The following DHRS4L2 variants were observed in gnomAD, a reference collection of about 807,000 sequenced individuals.
The protein encoded by DHRS4L2 is dehydrogenase/reductase SDR family member 4-like 2.
A neutral mutation model predicts 23.9 loss-of-function variants in DHRS4L2; 22 were observed. The observed-to-expected ratio is 0.92, with a 90% CI of 0.66 to 1.31. DHRS4L2 has a LOEUF of 1.31. DHRS4L2 is among the 40% of genes most tolerant of loss of function. The pLI, the probability that DHRS4L2 is intolerant of heterozygous loss-of-function variation, is 0.00. For synonymous variants in DHRS4L2, 141 were observed against 123.7 expected (o/e 1.14, Z -0.93); for missense variants, 385 against 303.3 (o/e 1.27, Z -2.00).
chr14:24,004,300 A>G (rs1444131750), intron 6 of DHRS4L2, 37 bp from the exon 7 acceptor site: 7 of 1,547,946 alleles, frequency 4.5e-6, no homozygotes, highest in African/African-American at 3.1e-5. Context: ...AAAGGAAAAG[A>G]AAAAAAAACA....
At chr14:23,982,115 T>A (rs891936550) in intron 1 of DHRS4L2, among the ~76,000 whole-genome samples, 4 of 151,598 alleles carry the variant, frequency 2.6e-5, no homozygotes, top group Admixed American at 2.0e-4. Flanking sequence ...CCATCCCACG[T>A]GGCCATATTT....
chr14:23,987,192 G>A (rs8004540), upstream of DHRS4L2: 59,570 of 340,654 alleles, frequency 0.17, 6,711 homozygotes, highest in East Asian at 0.45. Flanking sequence ...GTGCAGTGGC[G>A]TGATCTTGGC....
Position 24,006,039 on chromosome 14 carries a change from G to C in DHRS4L2, c.*176G>C, listed in dbSNP as rs2034571961. On this transcript the variant is annotated 3_prime_UTR_variant, in exon 8 of 8. Transcript: ENST00000335125. ...GCCCACAGGCCAGAGTTGGGCTCTA[G>C]CTCCTGGTGCTGTTCCTGCATTCAC... 1 of 1,599,386 alleles carries C rather than the reference G, an allele frequency of 6.3e-7. No homozygotes were observed. Among genetic ancestry groups the C allele is most frequent in the Non-Finnish European group, 8.5e-7 (1 of 1,174,132 alleles).
chr14:23,972,921 A>G (rs1425872927), intron 1 of DHRS4L2, among the ~76,000 whole-genome samples: 1 of 151,966 alleles, frequency 6.6e-6, no homozygotes, highest in Non-Finnish European at 1.5e-5. Flanking sequence ...GTTTCTCTCC[A>G]CCCAAACATG....
chr14:23,985,992 G>T (rs1674355192), upstream of DHRS4L2, among the ~76,000 whole-genome samples: 1 of 151,404 alleles, frequency 6.6e-6, no homozygotes, highest in Non-Finnish European at 1.5e-5. Context: ...TGTTAGCCAG[G>T]CTTGTCTCAA....
At chr14:23,970,748 GC>G (rs1489354869) in intron 1 of DHRS4L2, among the ~76,000 whole-genome samples, 1 of 152,028 alleles carries the variant, frequency 6.6e-6, no homozygotes, top group Non-Finnish European at 1.5e-5. Flanking sequence ...ACAGGTGGGT[GC>G]CCCTGTGGAA....
chr14:24,004,778 G>A, intron 7 of DHRS4L2: 1 of 244,384 alleles, frequency 4.1e-6, no homozygotes, highest in South Asian at 3.3e-5. Flanking sequence ...CAATCCAAAT[G>A]AAAAGAATGA....
chr14:23,993,213 G>C (rs1330897846), intron 2 of DHRS4L2, among the ~76,000 whole-genome samples: 1 of 151,674 alleles, frequency 6.6e-6, no homozygotes, highest in Non-Finnish European at 1.5e-5. Flanking sequence ...AAGTCCATTG[G>C]TGAGACTTAC....
Position 24,001,507 on chromosome 14 carries a change from T to G in DHRS4L2, c.655T>G (p.Ser219Ala), listed in dbSNP as rs1224668343. ...CLHLDLSRLA[S>A]AGCSGWTRKK... ...GCACCTGGACTTATCAAGACTAGCTTCAGCAGGATGGTGAGGAAGGGGAGC... is the reference window on the plus strand; with the variant it reads ...GCACCTGGACTTATCAAGACTAGCTGCAGCAGGATGGTGAGGAAGGGGAGC... The change falls in exon 6 of 8, where the codon TCA becomes GCA. Residue 219 changes from serine to alanine, a missense_variant. Physicochemically the swap from Ser to Ala is moderately conservative, Grantham distance 99. Coordinates refer to ENST00000335125, the MANE Select transcript of DHRS4L2 (RefSeq NM_198083.4). The G allele has an allele frequency of 6.2e-7, 1 of 1,602,532 alleles. No individual in the cohort carries two copies. Among genetic ancestry groups the G allele is most frequent in the Non-Finnish European group, 8.5e-7 (1 of 1,177,712 alleles).
chr14:23,989,949 G>A (rs1185547265), intron 1 of DHRS4L2, among the ~76,000 whole-genome samples: 2 of 151,832 alleles, frequency 1.3e-5, no homozygotes, highest in African/African-American at 2.4e-5. Flanking sequence ...ACTGTAGAAA[G>A]TGATGTCAGT....
upstream of DHRS4L2, chr14:23,987,140 CT>C (rs1392294192): frequency 2.7e-5 from 8 of 291,012 alleles, no homozygotes; most frequent in East Asian, 1.3e-3. Flanking sequence ...TGTTTTTTTT[CT>C]TTTTGTTGAG....
At chr14:23,999,217 TATA>T (rs1303847356) in intron 3 of DHRS4L2, among the ~76,000 whole-genome samples, 1 of 150,072 alleles carries the variant, frequency 6.7e-6, no homozygotes, top group African/African-American at 2.4e-5. Flanking sequence ...CCGTAACAGA[TATA>T]ATAATAATGG....
chr14:23,998,431 T>C (rs1463823528), intron 3 of DHRS4L2, among the ~76,000 whole-genome samples: 3 of 150,904 alleles, frequency 2.0e-5, no homozygotes, highest in African/African-American at 7.3e-5. Flanking sequence ...ACATGGCATC[T>C]TCTTCCACTA....
At chr14:23,970,534 G>A (rs1298543071) in intron 1 of DHRS4L2, among the ~76,000 whole-genome samples, 1 of 152,056 alleles carries the variant, frequency 6.6e-6, no homozygotes, top group Non-Finnish European at 1.5e-5. Context: ...CCACCTCAGG[G>A]GCCAGGGCAT....
chr14:23,991,964 G>A (rs1421364140), intron 2 of DHRS4L2, among the ~76,000 whole-genome samples: 1 of 151,374 alleles, frequency 6.6e-6, no homozygotes, highest in African/African-American at 2.4e-5. Context: ...TTGAACTCCT[G>A]ACCTCAGGTG....
intron 1 of DHRS4L2, among the ~76,000 whole-genome samples, chr14:23,972,345 G>C (rs1420990337): frequency 1.3e-5 from 2 of 151,888 alleles, no homozygotes; most frequent in African/African-American, 2.4e-5. Context: ...TCTTAAGGCA[G>C]CATGTCTGGA....
At chr14:23,978,164 C>G (rs2034002325) in intron 1 of DHRS4L2, among the ~76,000 whole-genome samples, 1 of 151,378 alleles carries the variant, frequency 6.6e-6, no homozygotes, top group South Asian at 2.1e-4. Flanking sequence ...CAATTTAAAA[C>G]TTTGGCCCAG....
intron 1 of DHRS4L2, among the ~76,000 whole-genome samples, chr14:23,980,667 CAT>C (rs1274906287): frequency 6.7e-6 from 1 of 149,998 alleles, no homozygotes; most frequent in Admixed American, 6.6e-5. Context: ...AATCAATAAA[CAT>C]AGTCCATCAC....
rs542907863 is a variant in DHRS4L2, at chr14:23,990,332, G to C, written c.279G>C (p.Ala93=). 5 of 1,611,658 alleles carry C rather than the reference G, an allele frequency of 3.1e-6. 1 individual carries two copies. The highest frequency in any genetic ancestry group is 4.2e-6 in the Non-Finnish European group (5 of 1,178,846). Residue 93 remains alanine (A), a synonymous_variant, in exon 2 of 8, where the codon GCG becomes GCC. Coordinates refer to ENST00000335125, the MANE Select transcript of DHRS4L2 (RefSeq NM_198083.4). ...VTGTVCHVGK[A]EDRERLVAMA... Reference sequence around the variant, plus strand: ...GCACTGTGTGCCATGTGGGGAAGGCGGAGGACCGGGAGCGGCTGGTGGCCA... The same window carrying C: ...GCACTGTGTGCCATGTGGGGAAGGCCGAGGACCGGGAGCGGCTGGTGGCCA...
Sources: allele counts gnomAD v4.1 joint callset (sites outside exome capture counted in the v4.1 genomes callset), GRCh38; gene constraint gnomAD v4.1.1; transcripts MANE v1.5; gene names NCBI Gene and HGNC (gene_info 2026-07-23, HGNC 2026-07-21).